The following LRFN2 variants were observed in gnomAD, a reference collection of about 807,000 sequenced individuals.
LRFN2 encodes the protein leucine rich repeat and fibronectin type III domain containing 2.
A neutral mutation model predicts 37.3 loss-of-function variants in LRFN2; 18 were observed. That is an observed-to-expected ratio of 0.48 (90% CI 0.33 to 0.72). LRFN2 has a LOEUF of 0.72. Among genes scored for constraint, LRFN2 ranks in the 30% least tolerant of loss-of-function variants. The pLI, the probability that LRFN2 is intolerant of heterozygous loss-of-function variation, is 0.02. For missense variants in LRFN2, 1,006 were observed against 1,060.7 expected (o/e 0.95, Z 0.72); for synonymous variants, 556 against 466.6 (o/e 1.19, Z -2.47).
At chr6:40,474,480 TTTTTGTTTTG>T (rs200132714) in intron 1 of LRFN2, among the ~76,000 whole-genome samples, 1 of 152,072 alleles carries the variant, frequency 6.6e-6, no homozygotes, top group Non-Finnish European at 1.5e-5. Context: ...ATCCATTTAT[TTTTTGTTTTG>T]TTTTGTTTTG....
intron 1 of LRFN2, among the ~76,000 whole-genome samples, chr6:40,497,739 C>G (rs1338810180): frequency 2.0e-5 from 3 of 152,120 alleles, no homozygotes; most frequent in African/African-American, 7.2e-5. Context: ...CTCTCCAACT[C>G]CCCCACCCTC....
intron 1 of LRFN2, among the ~76,000 whole-genome samples, chr6:40,474,047 GT>G (rs1237628704): frequency 6.6e-6 from 1 of 152,088 alleles, no homozygotes; most frequent in African/African-American, 2.4e-5. Flanking sequence ...TAGGGTCGTT[GT>G]TTTTTTAGAT....
At chr6:40,561,439 A>G (rs1192195815) in intron 1 of LRFN2, among the ~76,000 whole-genome samples, 3 of 152,126 alleles carry the variant, frequency 2.0e-5, no homozygotes, top group African/African-American at 7.2e-5. Flanking sequence ...GTCTCCTAGA[A>G]CTTCCCCATG....
intron 1 of LRFN2, among the ~76,000 whole-genome samples, chr6:40,573,954 T>A (rs930798092): frequency 1.3e-5 from 2 of 152,092 alleles, no homozygotes; most frequent in African/African-American, 4.8e-5. Context: ...AGAACGAAAC[T>A]TGTGTCAAAA....
At chr6:40,423,372 G>A (rs998997457) in intron 2 of LRFN2, among the ~76,000 whole-genome samples, 7 of 152,262 alleles carry the variant, frequency 4.6e-5, no homozygotes, top group South Asian at 2.1e-4. Flanking sequence ...AGAAAAAGTG[G>A]GCAGGCTCCT....
At chr6:40,573,075 G>A (rs1403559587) in intron 1 of LRFN2, among the ~76,000 whole-genome samples, 2 of 152,282 alleles carry the variant, frequency 1.3e-5, no homozygotes, top group East Asian at 3.9e-4. Flanking sequence ...TATCAAACAC[G>A]AAAACAAGAG....
At chr6:40,422,829 G>A (rs528248857) in intron 2 of LRFN2, among the ~76,000 whole-genome samples, 4 of 152,152 alleles carry the variant, frequency 2.6e-5, no homozygotes, top group Non-Finnish European at 5.9e-5. Context: ...TAATTGGACT[G>A]GTTCTCTTGT....
chr6:40,567,487 C>T (rs144186725), intron 1 of LRFN2, among the ~76,000 whole-genome samples: 345 of 152,256 alleles, frequency 2.3e-3, no homozygotes, highest in African/African-American at 7.8e-3. Flanking sequence ...CCACTTCATT[C>T]CTTAAAACAC....
intron 1 of LRFN2, among the ~76,000 whole-genome samples, chr6:40,436,034 T>G (rs1213476139): frequency 1.3e-5 from 2 of 152,186 alleles, no homozygotes; most frequent in African/African-American, 2.4e-5. Flanking sequence ...AGTGGCCATA[T>G]TTTTTAAAAA....
At chr6:40,403,903 G>A (rs1255403565) in intron 2 of LRFN2, among the ~76,000 whole-genome samples, 2 of 152,116 alleles carry the variant, frequency 1.3e-5, no homozygotes, top group African/African-American at 4.8e-5. Context: ...CTTGGGTTTT[G>A]TCTCCTTCTA....
In LRFN2 at chr6:40,587,105, C is replaced by T. The variant is rs1391939331; in HGVS notation, c.-183G>A. On this transcript the variant is annotated 5_prime_UTR_variant, in exon 1 of 3. Coordinates refer to ENST00000338305, the MANE Select transcript of LRFN2 (RefSeq NM_020737.3). The surrounding 1 kb of genome is among the most constrained non-coding windows in gnomAD (Gnocchi z 4.2). ...CAGGCAGATGGTGGCCTCGGACGTCCACGCGGGGAAAGCCCTGAGCCGCTT... is the reference window on the plus strand; with the variant it reads ...CAGGCAGATGGTGGCCTCGGACGTCTACGCGGGGAAAGCCCTGAGCCGCTT... 1.3e-5 allele frequency: 2 copies of T among 152,224 alleles called. No individual in the cohort carries two copies. The highest frequency in any genetic ancestry group is 4.8e-5 in the African/African-American group (2 of 41,460). 9.4% of individuals were successfully genotyped at this position (152,224 alleles called of 1,614,324 possible).
intron 1 of LRFN2, among the ~76,000 whole-genome samples, chr6:40,442,487 C>A (rs1763859747): frequency 6.6e-6 from 1 of 152,120 alleles, no homozygotes. Context: ...CCAACTGGGG[C>A]TCCCTGAGGA....
chr6:40,463,758 C>T (rs1019553196), intron 1 of LRFN2, among the ~76,000 whole-genome samples: 5 of 148,752 alleles, frequency 3.4e-5, no homozygotes, highest in African/African-American at 1.2e-4. Context: ...CTCACTGCAG[C>T]CTCAACCTCT....
intron 1 of LRFN2, among the ~76,000 whole-genome samples, chr6:40,531,067 G>A (rs1384835929): frequency 6.6e-6 from 1 of 152,168 alleles, no homozygotes; most frequent in Non-Finnish European, 1.5e-5. Context: ...AACAGACCAT[G>A]TAACCAGCAC....
chr6:40,418,462 C>A (rs1385837595), intron 2 of LRFN2, among the ~76,000 whole-genome samples: 1 of 152,214 alleles, frequency 6.6e-6, no homozygotes, highest in Non-Finnish European at 1.5e-5. Flanking sequence ...GCCTTCCTAT[C>A]ACTTCCCTAG....
chr6:40,528,549 C>G (rs1042567639), intron 1 of LRFN2, among the ~76,000 whole-genome samples: 1 of 152,208 alleles, frequency 6.6e-6, no homozygotes, highest in African/African-American at 2.4e-5. Flanking sequence ...AAGCCAGTGA[C>G]TCGGCTCCTT....
chr6:40,551,525 A>G (rs990410053), intron 1 of LRFN2, among the ~76,000 whole-genome samples: 1 of 152,192 alleles, frequency 6.6e-6, no homozygotes, highest in African/African-American at 2.4e-5. Flanking sequence ...TGGTTTTTCT[A>G]TTATCTGTTG....
At chr6:40,474,024 T>A (rs1177119945) in intron 1 of LRFN2, among the ~76,000 whole-genome samples, 2 of 152,076 alleles carry the variant, frequency 1.3e-5, no homozygotes, top group Non-Finnish European at 2.9e-5. Context: ...AACACAGTCA[T>A]GCAAAATGGT....
In LRFN2 at chr6:40,515,209, G is replaced by A. The variant is rs559574203; in HGVS notation, c.-19+71732C>T. Among the ~76,000 whole-genome samples, 10 of 152,304 alleles carry A rather than the reference G, an allele frequency of 6.6e-5. No homozygotes were observed. The South Asian group carries it at 1.5e-3, about 22-fold the overall frequency. On this transcript the variant is annotated intron_variant, in intron 1 of 2. Coordinates refer to ENST00000338305, the MANE Select transcript of LRFN2 (RefSeq NM_020737.3). ...ACACTCTGAGTAAAGGGGGGAAGGG[G>A]ATCCAGAGGGATGCTGAGGGAGGCT...
Sources: allele counts gnomAD v4.1 joint callset (sites outside exome capture counted in the v4.1 genomes callset), GRCh38; gene constraint gnomAD v4.1.1; non-coding constraint Gnocchi (gnomAD v3.1); transcripts MANE v1.5; gene names NCBI Gene and HGNC (gene_info 2026-07-23, HGNC 2026-07-21).